FAM168B: variants seen among roughly 807,000 people sequenced by gnomAD.
FAM168B encodes family with sequence similarity 168 member B.
In FAM168B, 19 loss-of-function variants were observed where a neutral mutation model predicts 21.8. The ratio of observed to expected loss-of-function variants is 0.87; its 90% confidence interval spans 0.61 to 1.28. The LOEUF (loss-of-function observed/expected upper bound fraction) is 1.28, where lower values mean the gene tolerates loss of function less well. Among genes scored for constraint, FAM168B ranks in the 50% most tolerant of loss-of-function variants. The pLI is 0.00. For missense variants in FAM168B, 233 were observed against 263.1 expected (o/e 0.89, Z 0.79); for synonymous variants, 126 against 104.8 (o/e 1.20, Z -1.24).
intron 2 of FAM168B, among the ~76,000 whole-genome samples, chr2:131,074,682 T>G (rs1321076721): frequency 6.6e-6 from 1 of 152,160 alleles, no homozygotes; most frequent in Non-Finnish European, 1.5e-5. Flanking sequence ...ATCATGGTGC[T>G]AACAGTAACC....
At chr2:131,061,295 TAA>T (rs775802154) in intron 3 of FAM168B, among the ~76,000 whole-genome samples, 10 of 130,668 alleles carry the variant, frequency 7.7e-5, no homozygotes, top group Non-Finnish European at 1.5e-4. Flanking sequence ...CTCCAAAATT[TAA>T]AAAAAAAAAA....
chr2:131,088,712 G>A (rs546110483), intron 1 of FAM168B, among the ~76,000 whole-genome samples: 8 of 152,232 alleles, frequency 5.3e-5, no homozygotes, highest in South Asian at 4.1e-4. Flanking sequence ...TACAAAAAGA[G>A]CAAATAATCT....
In FAM168B at chr2:131,071,851, A is replaced by G; in HGVS notation, c.154+4T>C. 1 of 1,613,714 alleles carries G rather than the reference A, an allele frequency of 6.2e-7. No homozygotes were observed. On this transcript the variant is annotated splice_donor_region_variant and intron_variant, in intron 3 of 6. Coordinates refer to ENST00000389915, the MANE Select transcript of FAM168B (RefSeq NM_001009993.4). ...TACAAAGCATTTTACCACCCAGCAC[A>G]TACCTGTTTGGAAGGTAGGATTCGC...
At position 131,051,628 on chromosome 2, in the gene FAM168B, T is replaced by C. The variant is rs1236590114; in HGVS notation, c.*837A>G. The C allele has an allele frequency of 1.0e-6, 1 of 985,182 alleles. No individual in the cohort carries two copies. The highest frequency in any genetic ancestry group is 1.2e-6 in the Non-Finnish European group (1 of 829,896). 61.0% of individuals were successfully genotyped at this position (985,182 alleles called of 1,614,324 possible). A position where few individuals can be genotyped will look rare whatever the true frequency, so the allele number is the denominator to read the frequency against. ...ATAGGACTTTTCCAATAAAGACATA[T>C]AAAAACATCATCTCTCTAAGAGAAC... is the stretch of plus-strand genomic sequence containing the variant. On this transcript the variant is annotated 3_prime_UTR_variant, in exon 7 of 7. Coordinates refer to ENST00000389915, the MANE Select transcript of FAM168B (RefSeq NM_001009993.4).
At chr2:131,071,623 A>G (rs1186365589) in intron 3 of FAM168B, among the ~76,000 whole-genome samples, 1 of 152,204 alleles carries the variant, frequency 6.6e-6, no homozygotes, top group Non-Finnish European at 1.5e-5. Context: ...TGGCAGAGTT[A>G]ACAACCTAGT....
chr2:131,049,156 A>G lies in FAM168B; in HGVS notation c.*3309T>C. ...TAGTACGTCGCAAGTTGCTGTAATA[A>G]TGTATTTCCTCTCGTTACTGTTGTG... is the stretch of plus-strand genomic sequence containing the variant. On this transcript the variant is annotated 3_prime_UTR_variant, in exon 7 of 7. Coordinates refer to ENST00000389915, the MANE Select transcript of FAM168B (RefSeq NM_001009993.4). The G allele has an allele frequency of 3.0e-6, 3 of 985,392 alleles. No homozygotes were observed. Among genetic ancestry groups the G allele is most frequent in the Non-Finnish European group, 3.6e-6 (3 of 829,924 alleles). 61.0% of individuals were successfully genotyped at this position (985,392 alleles called of 1,614,324 possible).
At chr2:131,063,160 A>G (rs1485486226) in intron 3 of FAM168B, among the ~76,000 whole-genome samples, 1 of 151,836 alleles carries the variant, frequency 6.6e-6, no homozygotes, top group Non-Finnish European at 1.5e-5. Context: ...TGACATCTGA[A>G]ATTTTTTAAA....
chr2:131,049,874 AT>A lies in FAM168B; in HGVS notation c.*2590del. 1.0e-6 allele frequency: 1 copy of A among 985,730 alleles called. No individual in the cohort carries two copies. Among genetic ancestry groups the A allele is most frequent in the Non-Finnish European group, 1.2e-6 (1 of 829,928 alleles). The allele number at this position is 985,730 out of a possible 1,614,324, so 61.1% of individuals were successfully genotyped here. A position where few individuals can be genotyped will look rare whatever the true frequency, so the allele number is the denominator to read the frequency against. ...AAGTTCTATTTCTTAATTGACTTTA[AT>A]TTTACTAGAAGCGAATGTTGATAAA... On this transcript the variant is annotated 3_prime_UTR_variant, in exon 7 of 7. Coordinates refer to ENST00000389915, the MANE Select transcript of FAM168B (RefSeq NM_001009993.4).
chr2:131,084,984 T>A (rs889427184), intron 1 of FAM168B, among the ~76,000 whole-genome samples: 1 of 152,116 alleles, frequency 6.6e-6, no homozygotes, highest in East Asian at 1.9e-4. Flanking sequence ...TAAAATGCAG[T>A]GTATTAAAGT....
Position 131,052,449 on chromosome 2 carries a change from A to T in FAM168B, c.*16T>A, listed in dbSNP as rs1691734401. 2.0e-6 allele frequency: 2 copies of T among 996,088 alleles called. No homozygotes were observed. Among genetic ancestry groups the T allele is most frequent in the Middle Eastern group, 1.0e-3 (2 of 1,944 alleles). The allele number at this position is 996,088 out of a possible 1,614,324, so 61.7% of individuals were successfully genotyped here. A position where few individuals can be genotyped will look rare whatever the true frequency, so the allele number is the denominator to read the frequency against. On this transcript the variant is annotated 3_prime_UTR_variant, in exon 7 of 7. Coordinates refer to ENST00000389915, the MANE Select transcript of FAM168B (RefSeq NM_001009993.4). ...AATGTGACTGCACAGCTCCGTCCTC[A>T]AACCTGCAGAAAGGAAGACAGACAC...
chr2:131,082,514 G>A (rs1460426078), intron 2 of FAM168B, 63 bp downstream of exon 2: 3 of 1,126,282 alleles, frequency 2.7e-6, no homozygotes, highest in South Asian at 2.8e-5. Flanking sequence ...AGCATTCTTA[G>A]TGACATGAAA....
Position 131,050,838 on chromosome 2 carries a change from G to C in FAM168B, c.*1627C>G. 1.0e-6 allele frequency: 1 copy of C among 985,398 alleles called. No individual in the cohort carries two copies. The highest frequency in any genetic ancestry group is 1.2e-6 in the Non-Finnish European group (1 of 830,004). 61.0% of individuals were successfully genotyped at this position (985,398 alleles called of 1,614,324 possible). A position where few individuals can be genotyped will look rare whatever the true frequency, so the allele number is the denominator to read the frequency against. On this transcript the variant is annotated 3_prime_UTR_variant, in exon 7 of 7. Transcript: ENST00000389915. The stretch of plus-strand genomic sequence containing the variant: ...AGCCCCCTCCCCACCAGAGCCCACA[G>C]CACTCAAACCACCACTGCACTGGGA...
At chr2:131,052,558 G>T in intron 6 of FAM168B, 106 bp from the exon 7 acceptor site, 1 of 902,262 alleles carries the variant, frequency 1.1e-6, no homozygotes, top group Non-Finnish European at 1.4e-6. Flanking sequence ...GGGCAGCAAT[G>T]GGCAAAACTG....
intron 3 of FAM168B, among the ~76,000 whole-genome samples, chr2:131,064,976 C>T (rs527777753): frequency 2.0e-5 from 3 of 152,230 alleles, no homozygotes; most frequent in East Asian, 3.9e-4. Flanking sequence ...CCAGGGACAC[C>T]GCAGTAGATG....
At chr2:131,069,562 C>T (rs1250306039) in intron 3 of FAM168B, among the ~76,000 whole-genome samples, 4 of 151,908 alleles carry the variant, frequency 2.6e-5, no homozygotes, top group East Asian at 1.9e-4. Context: ...GGCGCAATCT[C>T]GGCTCACTGC....
chr2:131,050,348 GA>G lies in FAM168B; in HGVS notation c.*2116del. The G allele has an allele frequency of 2.0e-6, 2 of 985,528 alleles. No individual in the cohort carries two copies. The highest frequency in any genetic ancestry group is 2.4e-6 in the Non-Finnish European group (2 of 829,918). 61.0% of individuals were successfully genotyped at this position (985,528 alleles called of 1,614,324 possible). On this transcript the variant is annotated 3_prime_UTR_variant, in exon 7 of 7. Coordinates refer to ENST00000389915, the MANE Select transcript of FAM168B (RefSeq NM_001009993.4). The stretch of plus-strand genomic sequence containing the variant: ...TCCTAATCTATTAGCACTCAATTGG[GA>G]AAAAAGACTTCTCTGCTACTTGGTC...
At chr2:131,089,394 T>C (rs528941999) in intron 1 of FAM168B, among the ~76,000 whole-genome samples, 4 of 152,146 alleles carry the variant, frequency 2.6e-5, no homozygotes, top group African/African-American at 9.6e-5. Flanking sequence ...CAAAAATTCC[T>C]AACTTGAAAA....
At chr2:131,058,910 G>C (rs1021031268) in intron 3 of FAM168B, among the ~76,000 whole-genome samples, 2 of 152,152 alleles carry the variant, frequency 1.3e-5, no homozygotes, top group African/African-American at 4.8e-5. Flanking sequence ...TAATTATAAA[G>C]AAAAAGGTAG....
At chr2:131,083,684 A>C (rs1693534204) in intron 1 of FAM168B, among the ~76,000 whole-genome samples, 1 of 152,276 alleles carries the variant, frequency 6.6e-6, no homozygotes, top group Non-Finnish European at 1.5e-5. Context: ...ATACAATGTT[A>C]AGTGAAAACA....
Sources: gnomAD v4.1 joint callset for allele counts (sites outside exome capture counted in the v4.1 genomes callset) on GRCh38, gnomAD v4.1.1 for gene constraint, MANE v1.5 for transcripts, NCBI Gene and HGNC (gene_info 2026-07-23, HGNC 2026-07-21) for gene names.